The following MRC2 variants were observed in gnomAD, a reference collection of about 807,000 sequenced individuals.
The protein encoded by MRC2 is C-type mannose receptor 2.
In MRC2, 84 loss-of-function variants were observed where a neutral mutation model predicts 206.2. The observed-to-expected ratio is 0.41, with a 90% CI of 0.34 to 0.49. The LOEUF is 0.49. MRC2 is among the 20% of genes least tolerant of loss of function. The probability of loss-of-function intolerance (pLI) is 0.31; values close to 1 mark genes in which losing one functional copy is unlikely to be tolerated. For synonymous variants in MRC2, 798 were observed against 800.0 expected, an observed-to-expected ratio of 1.00 and a Z score of 0.04; for missense variants, 1,676 against 2,001.5, an observed-to-expected ratio of 0.84 and a Z score of 3.10.
chr17:62,661,609 CTTCCTTCT>C (rs1357626643), intron 1 of MRC2: 13 of 129,572 alleles, frequency 1.0e-4, no homozygotes, highest in Non-Finnish European at 1.6e-4. Context: ...TCCTTCCTTC[CTTCCTTCT>C]TTCTTAAGAC....
At chr17:62,687,287 A>G (rs2089043480) in intron 20 of MRC2, among the ~76,000 whole-genome samples, 2 of 152,072 alleles carry the variant, frequency 1.3e-5, no homozygotes, top group South Asian at 2.1e-4. Context: ...CAGCCTCCCA[A>G]GTAGCTGGGA....
Position 62,677,423 on chromosome 17 carries a change from CA to C in MRC2, c.1990del (p.Ser664AlafsTer49). ...PELPGPDPTP[S>X]LTGSCPQGWA... ...AGCTGCCGGGGCCAGATCCCACGCCCAGCCTCACTGGCTCCTGTCCCCAGGG... is the reference window on the plus strand; with the variant it reads ...AGCTGCCGGGGCCAGATCCCACGCCCGCCTCACTGGCTCCTGTCCCCAGGG... On this transcript the variant is annotated frameshift_variant, in exon 12 of 30. Coordinates refer to ENST00000303375, the MANE Select transcript of MRC2 (RefSeq NM_006039.5). LOFTEE classifies it high-confidence loss of function. 1 of 1,612,000 alleles carries C rather than the reference CA, an allele frequency of 6.2e-7. No individual in the cohort carries two copies. The highest frequency in any genetic ancestry group is 8.5e-7 in the Non-Finnish European group (1 of 1,179,544).
At position 62,680,086 on chromosome 17, in the gene MRC2, G is replaced by A; in HGVS notation, c.2299-84G>A. 1 of 1,588,036 alleles carries A rather than the reference G, an allele frequency of 6.3e-7. No individual in the cohort carries two copies. The highest frequency in any genetic ancestry group is 8.6e-7 in the Non-Finnish European group (1 of 1,164,014). On this transcript the variant is annotated intron_variant, in intron 14 of 29. Coordinates refer to ENST00000303375, the MANE Select transcript of MRC2 (RefSeq NM_006039.5). The surrounding 1 kb of genome is among the most constrained non-coding windows in gnomAD (Gnocchi z 4.8). ...CGGTGAGAATTCGCAGCTCAGGCCA[G>A]GCCTCTTGTTCACCTGTTCCGGGCA... is the stretch of plus-strand genomic sequence containing the variant.
intron 20 of MRC2, among the ~76,000 whole-genome samples, chr17:62,686,451 TCAACAACAACAA>T (rs58330151): frequency 1.4e-4 from 21 of 150,040 alleles, no homozygotes; most frequent in East Asian, 4.0e-4. Context: ...AGACTCCATC[TCAACAACAACAA>T]CAACAACAAC....
intron 11 of MRC2, 44 bp downstream of exon 11, chr17:62,676,575 G>C (rs1428234524): frequency 1.9e-6 from 3 of 1,545,146 alleles, no homozygotes; most frequent in Non-Finnish European, 2.6e-6. Flanking sequence ...GAGGAGGGAG[G>C]CCAGGGTGGA....
Position 62,690,160 on chromosome 17 carries a change from C to T in MRC2, c.3747C>T (p.Pro1249=). The change falls in exon 26 of 30, where the codon CCC becomes CCT. Residue 1249 remains proline (P), a synonymous_variant. Transcript: ENST00000303375. ...QGAVCGVSSG[P]PPPRRISYHG... ...CTTAATCCTGTACCCCCACAGGGCC[C>T]CCTCCTCCCCGAAGAATAAGCTACC... 1.9e-6 allele frequency: 3 copies of T among 1,603,282 alleles called. No individual in the cohort carries two copies. The highest frequency in any genetic ancestry group is 2.6e-6 in the Non-Finnish European group (3 of 1,172,806).
intron 1 of MRC2, among the ~76,000 whole-genome samples, chr17:62,630,740 T>C (rs552930397): frequency 7.4e-4 from 112 of 152,252 alleles, no homozygotes; most frequent in Admixed American, 1.5e-3. Flanking sequence ...TCAGGAAATC[T>C]TCCTGTGGGG....
In MRC2 at chr17:62,689,694, G is replaced by A; in HGVS notation, c.3507G>A (p.Gln1169=). The change falls in exon 24 of 30, where the codon CAG becomes CAA. Residue 1169 remains glutamine, a synonymous_variant. Transcript: ENST00000303375. ...CCTACGTGCCCGACCCCTACACCCA[G>A]GCCTTCCTCACGCAGGCTGCCCGAG... is the stretch of plus-strand genomic sequence containing the variant. The part of the protein sequence containing the change: ...SLAYVPDPYT[Q]AFLTQAARGL... The A allele has an allele frequency of 6.3e-7, 1 of 1,581,886 alleles. No homozygotes were observed. The highest frequency in any genetic ancestry group is 1.1e-5 in the South Asian group (1 of 87,078).
chr17:62,683,609 A>G (rs1317185074), intron 20 of MRC2, among the ~76,000 whole-genome samples: 1 of 149,094 alleles, frequency 6.7e-6, no homozygotes, highest in Non-Finnish European at 1.5e-5. Flanking sequence ...CACACCTGTA[A>G]TCCCAGCACT....
At chr17:62,690,110 C>T (rs2089087481) in intron 25 of MRC2, 46 bp from the exon 26 acceptor site, 1 of 1,580,394 alleles carries the variant, frequency 6.3e-7, no homozygotes. Context: ...CTGTCGGTGG[C>T]CCCGGGGAGG....
At chr17:62,662,770 G>A (rs1037208927) in intron 1 of MRC2, among the ~76,000 whole-genome samples, 1 of 152,102 alleles carries the variant, frequency 6.6e-6, no homozygotes, top group African/African-American at 2.4e-5. Flanking sequence ...AAATTAGCCA[G>A]GTGTGGTGGT....
At chr17:62,650,521 A>G (rs575530238) in intron 1 of MRC2, among the ~76,000 whole-genome samples, 158 of 152,344 alleles carry the variant, frequency 1.0e-3, no homozygotes, top group African/African-American at 3.6e-3. Flanking sequence ...GGCTAGCTGG[A>G]GTCCGCTCTG....
At chr17:62,648,151 C>T (rs2088512517) in intron 1 of MRC2, among the ~76,000 whole-genome samples, 1 of 152,248 alleles carries the variant, frequency 6.6e-6, no homozygotes. Flanking sequence ...CGCCTGCTAT[C>T]CCAGCACTTT....
rs1300681341 is a variant in MRC2 at position 62,671,988 on chromosome 17, G to T, written c.1307-10G>T. ...GTTTTCTCTCCCCTCCTCTCCTGCT[G>T]CACCCCCAGAGGTGGAGGAGCTGTG... On this transcript the variant is annotated splice_polypyrimidine_tract_variant and intron_variant, in intron 7 of 29. Transcript: ENST00000303375. This position sits in a 1 kb window ranked among gnomAD's most constrained non-coding sequence, Gnocchi z 4.5. 1 of 1,614,064 alleles carries T rather than the reference G, an allele frequency of 6.2e-7. No individual in the cohort carries two copies.
chr17:62,670,437 C>T (rs1309884389), intron 6 of MRC2, among the ~76,000 whole-genome samples: 1 of 152,228 alleles, frequency 6.6e-6, no homozygotes, highest in Non-Finnish European at 1.5e-5. Flanking sequence ...GCCGGGTCTC[C>T]AGGAGCAGGT....
chr17:62,639,342 TTAAA>T (rs34364555), intron 1 of MRC2, among the ~76,000 whole-genome samples: 99,483 of 151,248 alleles, frequency 0.66, 32,919 homozygotes, highest in East Asian at 0.81. Context: ...AGACTTTGTC[TTAAA>T]TAAATAAATA....
Position 62,689,969 on chromosome 17 carries a change from C to A in MRC2, c.3649C>A (p.Pro1217Thr), listed in dbSNP as rs774312146. ...CTGGCAGGACGGGGAGCCGCAGCAG[C>A]CGGGGGGCTGTACCTACGTAGATGT... ...VGWQDGEPQQ[P>T]GGCTYVDVDG... Residue 1217 changes from proline to threonine, a missense_variant, in exon 25 of 30, where the codon CCG (proline) becomes ACG (threonine). Coordinates refer to ENST00000303375, the MANE Select transcript of MRC2 (RefSeq NM_006039.5). The A allele has an allele frequency of 5.6e-6, 9 of 1,612,568 alleles. No homozygotes were observed. The highest frequency in any genetic ancestry group is 7.6e-6 in the Non-Finnish European group (9 of 1,179,904).
intron 20 of MRC2, among the ~76,000 whole-genome samples, chr17:62,687,306 A>G (rs1219163441): frequency 4.6e-5 from 7 of 152,156 alleles, no homozygotes; most frequent in Admixed American, 3.3e-4. Context: ...GATTACAGGC[A>G]TGTGCCACCA....
intron 1 of MRC2, among the ~76,000 whole-genome samples, chr17:62,657,501 C>T (rs2088631838): frequency 6.6e-6 from 1 of 152,222 alleles, no homozygotes; most frequent in South Asian, 2.1e-4. Flanking sequence ...TGATTGCCTA[C>T]AAAATGCAAG....
Sources: allele counts gnomAD v4.1 joint callset (sites outside exome capture counted in the v4.1 genomes callset), GRCh38; gene constraint gnomAD v4.1.1; non-coding constraint Gnocchi (gnomAD v3.1); transcripts MANE v1.5; gene names NCBI Gene and HGNC (gene_info 2026-07-23, HGNC 2026-07-21).